Variants in CAT observed in about 807,000 individuals in gnomAD.
CAT encodes catalase.
A neutral mutation model predicts 59.0 loss-of-function variants in CAT; 43 were observed. The observed-to-expected ratio is 0.73, with a 90% CI of 0.57 to 0.94. The LOEUF (loss-of-function observed/expected upper bound fraction) is 0.94, where lower values mean the gene tolerates loss of function less well. Among genes scored for constraint, CAT ranks in the 40% least tolerant of loss-of-function variants. CAT has a pLI of 0.00. For synonymous variants in CAT, 218 were observed against 230.9 expected (o/e 0.94, Z 0.51); for missense variants, 664 against 682.9 (o/e 0.97, Z 0.31).
At chr11:34,452,746 T>A (rs1856539775) in intron 4 of CAT, among the ~76,000 whole-genome samples, 1 of 151,856 alleles carries the variant, frequency 6.6e-6, no homozygotes, top group Non-Finnish European at 1.5e-5. Flanking sequence ...TCCCAGCTAC[T>A]TGGGAGGCTG....
intron 10 of CAT, among the ~76,000 whole-genome samples, chr11:34,465,064 T>C (rs930494145): frequency 5.3e-5 from 8 of 152,218 alleles, no homozygotes; most frequent in African/African-American, 1.9e-4. Flanking sequence ...AGGAGGCCCT[T>C]GGACTTGGAA....
At chr11:34,468,458 G>C in intron 11 of CAT, 63 bp downstream of exon 11, 1 of 1,156,162 alleles carries the variant, frequency 8.6e-7, no homozygotes, top group East Asian at 2.3e-5. Context: ...AGCTGTGTGG[G>C]AGAACCCTAA....
At chr11:34,469,556 T>C (rs771414795) in intron 11 of CAT, among the ~76,000 whole-genome samples, 4 of 152,178 alleles carry the variant, frequency 2.6e-5, no homozygotes, top group Non-Finnish European at 4.4e-5. Flanking sequence ...CGTTTCTCAA[T>C]GTAAATCACT....
intron 1 of CAT, among the ~76,000 whole-genome samples, chr11:34,445,495 C>CAAAA (rs58169234): frequency 0.08 from 2,919 of 36,364 alleles, 753 homozygotes; most frequent in African/African-American, 0.22. Context: ...GACTCCATCT[C>CAAAA]AAAAAAAAAA....
Position 34,471,441 on chromosome 11 carries a change from G to C in CAT, c.*8G>C. On this transcript the variant is annotated 3_prime_UTR_variant, in exon 13 of 13. Coordinates refer to ENST00000241052, the MANE Select transcript of CAT (RefSeq NM_001752.4). ...GAGAAGGCAAATCTGTGAGGCCGGG[G>C]CCCTGCACCTGTGCAGCGAAGCTTA... 6.2e-7 allele frequency: 1 copy of C among 1,612,866 alleles called. No homozygotes were observed. Among genetic ancestry groups the C allele is most frequent in the Admixed American group, 1.7e-5 (1 of 60,026 alleles).
In CAT at chr11:34,453,121, A is replaced by G. The variant is rs1364503712; in HGVS notation, c.512A>G (p.Asn171Ser). Residue 171 changes from asparagine to serine, a missense_variant, in exon 5 of 13, where the codon AAT becomes AGT. Transcript: ENST00000241052. ...FPSFIHSQKR[N>S]PQTHLKDPDM... Reference sequence around the variant, plus strand: ...TCTTTTATCCACAGCCAAAAGAGAAATCCTCAGACACATCTGAAGGATCCG... The same window carrying G: ...TCTTTTATCCACAGCCAAAAGAGAAGTCCTCAGACACATCTGAAGGATCCG... 7.4e-6 allele frequency: 12 copies of G among 1,613,188 alleles called. No homozygotes were observed. Among genetic ancestry groups the G allele is most frequent in the African/African-American group, 1.3e-5 (1 of 74,876 alleles).
chr11:34,453,845 C>T lies in CAT; in HGVS notation c.630C>T (p.Arg210=), dbSNP rs748376031. ...ATCGGGGGATTCCAGATGGACATCGCCACATGAATGGATATGGATCACATA... is the reference window on the plus strand; with the variant it reads ...ATCGGGGGATTCCAGATGGACATCGTCACATGAATGGATATGGATCACATA... ...FSDRGIPDGH[R]HMNGYGSHTF... Residue 210 remains arginine (R), a synonymous_variant, in exon 6 of 13, where the codon CGC becomes CGT. Coordinates refer to ENST00000241052, the MANE Select transcript of CAT (RefSeq NM_001752.4). The T allele has an allele frequency of 6.8e-6, 11 of 1,613,256 alleles. No homozygotes were observed. In the South Asian group the frequency reaches 7.7e-5, roughly 11 times the overall value.
chr11:34,466,619 T>C (rs1411939284), intron 10 of CAT, among the ~76,000 whole-genome samples: 2 of 149,492 alleles, frequency 1.3e-5, no homozygotes, highest in Non-Finnish European at 3.0e-5. Context: ...CTACTAAAAA[T>C]ACAAAAAAAA....
chr11:34,460,446 C>CCTTTTTTTTTT lies in CAT; in HGVS notation c.1057-805_1057-804insCTTTTTTTTTT, dbSNP rs764827639. ...GAAGGCAGCATGGGAGTGGGCGGTA[C>CCTTTTTTTTTT]TTTTTTTTTTTTTTTTTTTTTTTTT... On this transcript the variant is annotated intron_variant, in intron 8 of 12. Transcript: ENST00000241052. Among the ~76,000 whole-genome samples, 2 of 84,534 alleles carry CCTTTTTTTTTT rather than the reference C, an allele frequency of 2.4e-5. 1 individual carries two copies. The allele number at this position is 84,534 out of a possible 152,430, so 55.5% of individuals were successfully genotyped here.
At chr11:34,462,924 A>G (rs548304910) in intron 9 of CAT, among the ~76,000 whole-genome samples, 19 of 152,250 alleles carry the variant, frequency 1.2e-4, no homozygotes, top group African/African-American at 4.6e-4. Context: ...TTTTTGGAGC[A>G]TTTTGCTTTT....
rs1375114688 is a variant in CAT at position 34,452,870 on chromosome 11, A to G, written c.481-220A>G. ...CCCTGTCTTAAAAAAAAAAAAAAAG[A>G]AAAGACTATAGTTTTGAGTATATTT... is the stretch of plus-strand genomic sequence containing the variant. On this transcript the variant is annotated intron_variant, in intron 4 of 12. Coordinates refer to ENST00000241052, the MANE Select transcript of CAT (RefSeq NM_001752.4). Among the ~76,000 whole-genome samples, 4 of 151,840 alleles carry G rather than the reference A, an allele frequency of 2.6e-5. No individual in the cohort carries two copies. The East Asian group carries it at 7.7e-4, about 29-fold the overall frequency.
chr11:34,469,093 C>G (rs17880549), intron 11 of CAT, among the ~76,000 whole-genome samples: 6 of 152,210 alleles, frequency 3.9e-5, no homozygotes, highest in Non-Finnish European at 5.9e-5. Flanking sequence ...GGCCGCTCAT[C>G]GAGCTGAGTG....
chr11:34,444,604 GA>G (rs1746400909), intron 1 of CAT, among the ~76,000 whole-genome samples: 1 of 152,180 alleles, frequency 6.6e-6, no homozygotes. Context: ...ATCACAGAAT[GA>G]AAAGACGTCA....
chr11:34,470,086 A>G (rs1021846761), intron 11 of CAT, among the ~76,000 whole-genome samples: 4 of 152,110 alleles, frequency 2.6e-5, no homozygotes, highest in Non-Finnish European at 4.4e-5. Context: ...TCAGAACCCA[A>G]AGATTTAGGG....
intron 8 of CAT, 170 bp downstream of exon 8, chr11:34,456,987 A>C (rs745387750): frequency 2.9e-6 from 2 of 695,654 alleles, no homozygotes; most frequent in Non-Finnish European, 5.0e-6. Flanking sequence ...ACTATTCTTC[A>C]ATGAGCATTC....
chr11:34,440,648 C>T (rs1332936544), intron 1 of CAT, among the ~76,000 whole-genome samples: 7 of 151,512 alleles, frequency 4.6e-5, no homozygotes, highest in South Asian at 4.2e-4. Context: ...CTGCAAACTC[C>T]GCCTCCCGGA....
At chr11:34,441,395 G>C (rs1856387986) in intron 1 of CAT, among the ~76,000 whole-genome samples, 1 of 152,170 alleles carries the variant, frequency 6.6e-6, no homozygotes, top group African/African-American at 2.4e-5. Context: ...TGTATTAGCA[G>C]TTTGTTCTTT....
intron 9 of CAT, among the ~76,000 whole-genome samples, chr11:34,462,732 G>A (rs1447141058): frequency 6.6e-6 from 1 of 152,154 alleles, no homozygotes; most frequent in East Asian, 1.9e-4. Flanking sequence ...TGTAAAAGTA[G>A]AGCATTTGGG....
At chr11:34,466,645 G>T (rs1219086477) in intron 10 of CAT, among the ~76,000 whole-genome samples, 3 of 151,610 alleles carry the variant, frequency 2.0e-5, no homozygotes, top group African/African-American at 4.8e-5. Flanking sequence ...GCCGGGCGTG[G>T]TGGCGGGCGC....
Sources: allele counts gnomAD v4.1 joint callset (sites outside exome capture counted in the v4.1 genomes callset), GRCh38; gene constraint gnomAD v4.1.1; transcripts MANE v1.5; gene names NCBI Gene and HGNC (gene_info 2026-07-23, HGNC 2026-07-21).